Variants in MGAT2 observed in about 807,000 individuals in gnomAD.
MGAT2 encodes the protein alpha-1,6-mannosyl-glycoprotein 2-beta-N-acetylglucosaminyltransferase.
In MGAT2, 17 loss-of-function variants were observed where a neutral mutation model predicts 33.8. The observed-to-expected ratio is 0.50, with a 90% CI of 0.34 to 0.76. MGAT2 has a LOEUF of 0.76. Ranked by LOEUF, MGAT2 falls within the 30% of genes least tolerant of loss-of-function variation. MGAT2 has a pLI of 0.01. For missense variants in MGAT2, 529 were observed against 553.9 expected, an observed-to-expected ratio of 0.96 and a Z score of 0.45; for synonymous variants, 248 against 226.7, an observed-to-expected ratio of 1.09 and a Z score of -0.84.
rs1882821013 is a variant in MGAT2 at position 49,620,854 on chromosome 14, C to T, written c.-415C>T. 1 of 653,326 alleles carries T rather than the reference C, an allele frequency of 1.5e-6. No individual in the cohort carries two copies. Among genetic ancestry groups the T allele is most frequent in the African/African-American group, 1.8e-5 (1 of 55,140 alleles). The allele number at this position is 653,326 out of a possible 1,614,324, so 40.5% of individuals were successfully genotyped here. On this transcript the variant is annotated 5_prime_UTR_variant, in exon 1 of 1. Transcript: ENST00000305386. ...CGGAGTGAGGCGAGGCCGCGTCGCT[C>T]AGTTCTGGCCGTCTAGGGCCCCTGT...
chr14:49,622,666 GACAT>G lies in MGAT2; in HGVS notation c.*58_*61del. ...CTATTTTTGATATTTGTCCAAACAG[GACAT>G]ACAATTGAATAAAAGAGTTTAGGAA... is the stretch of plus-strand genomic sequence containing the variant. On this transcript the variant is annotated 3_prime_UTR_variant, in exon 1 of 1. Transcript: ENST00000305386. The G allele has an allele frequency of 1.9e-6, 3 of 1,544,674 alleles. No homozygotes were observed. The highest frequency in any genetic ancestry group is 2.6e-6 in the Non-Finnish European group (3 of 1,149,068).
At position 49,622,239 on chromosome 14, in the gene MGAT2, C is replaced by T; in HGVS notation, c.971C>T (p.Thr324Ile). The change falls in exon 1 of 1, where the codon ACC (threonine) becomes ATC (isoleucine). Residue 324 changes from threonine to isoleucine, a missense_variant. Physicochemically the swap from Thr to Ile is moderately conservative, Grantham distance 89. Coordinates refer to ENST00000305386, the MANE Select transcript of MGAT2 (RefSeq NM_002408.4). Reference protein sequence around the residue: ...STEHNMGLALTRNAYQKLIEC... With the variant: ...STEHNMGLALIRNAYQKLIEC... ...GAGCACAATATGGGTCTAGCCTTGA[C>T]CCGGAATGCCTATCAGAAGCTGATC... 1 of 1,614,164 alleles carries T rather than the reference C, an allele frequency of 6.2e-7. No individual in the cohort carries two copies. The highest frequency in any genetic ancestry group is 8.5e-7 in the Non-Finnish European group (1 of 1,180,044).
In MGAT2 at chr14:49,621,063, T is replaced by G; in HGVS notation, c.-206T>G. Reference sequence around the variant, plus strand: ...TCGAGCTGTAGCTGCCAGGCGAGGATGTGTGGAGCGCAGGCGGCGCGGGGT... The same window carrying G: ...TCGAGCTGTAGCTGCCAGGCGAGGAGGTGTGGAGCGCAGGCGGCGCGGGGT... On this transcript the variant is annotated 5_prime_UTR_variant, in exon 1 of 1. An upstream start codon of the reference 5' UTR is lost. Coordinates refer to ENST00000305386, the MANE Select transcript of MGAT2 (RefSeq NM_002408.4). This position sits in a 1 kb window ranked among gnomAD's most constrained non-coding sequence, Gnocchi z 4.6. The G allele has an allele frequency of 6.7e-6, 5 of 749,106 alleles. No individual in the cohort carries two copies. Among genetic ancestry groups the G allele is most frequent in the Non-Finnish European group, 9.3e-6 (4 of 428,820 alleles). 46.4% of individuals were successfully genotyped at this position (749,106 alleles called of 1,614,324 possible).
In MGAT2 at chr14:49,622,050, A is replaced by C; in HGVS notation, c.782A>C (p.Asp261Ala). 1 of 1,614,200 alleles carries C rather than the reference A, an allele frequency of 6.2e-7. No homozygotes were observed. The highest frequency in any genetic ancestry group is 8.5e-7 in the Non-Finnish European group (1 of 1,180,042). Residue 261 changes from aspartate (D) to alanine (A), a missense_variant, in exon 1 of 1, where the codon GAT becomes GCT. Transcript: ENST00000305386. ...GGCCTTATACTTTTCCTAGAAGAGGATCACTACTTAGCCCCAGACTTTTAC... is the reference window on the plus strand; with the variant it reads ...GGCCTTATACTTTTCCTAGAAGAGGCTCACTACTTAGCCCCAGACTTTTAC... ...YAGLILFLEE[D>A]HYLAPDFYHV...
rs200691404 is a variant in MGAT2, at chr14:49,621,425, C to G, written c.157C>G (p.Arg53Gly). 24 of 1,608,058 alleles carry G rather than the reference C, an allele frequency of 1.5e-5. No individual in the cohort carries two copies. The highest frequency in any genetic ancestry group is 3.3e-4 in the Middle Eastern group (2 of 6,046). ...DAEPARGAGG[R>G]GGDHPSVAVG... Reference sequence around the variant, plus strand: ...CGAACCCGCGCGGGGTGCCGGCGGCCGCGGTGGGGACCACCCCTCTGTGGC... The same window carrying G: ...CGAACCCGCGCGGGGTGCCGGCGGCGGCGGTGGGGACCACCCCTCTGTGGC... Residue 53 changes from arginine (R) to glycine (G), a missense_variant, in exon 1 of 1, where the codon CGC (arginine) becomes GGC (glycine). This residue lies in a region of MGAT2 where 501 missense variants were observed against 501.1 expected (regional missense o/e 1.00). Transcript: ENST00000305386. The surrounding 1 kb of genome is among the most constrained non-coding windows in gnomAD (Gnocchi z 4.6).
chr14:49,621,339 T>G lies in MGAT2; in HGVS notation c.71T>G (p.Leu24Arg), dbSNP rs746475824. 6.2e-7 allele frequency: 1 copy of G among 1,612,510 alleles called. No individual in the cohort carries two copies. Among genetic ancestry groups the G allele is most frequent in the East Asian group, 2.2e-5 (1 of 44,856 alleles). The part of the protein sequence containing the change: ...TLVVAACGFV[L>R]WSSNGRQRKN... ...GTGGTGGCCGCCTGCGGCTTCGTCC[T>G]CTGGAGCAGCAATGGGCGACAAAGG... Residue 24 changes from leucine to arginine, a missense_variant, in exon 1 of 1, where the codon CTC becomes CGC. Leu to Arg is a moderately radical substitution (Grantham distance 102). Around this residue, in one of 2 missense-constraint regions of MGAT2, gnomAD observed 501 missense variants for 501.1 expected, o/e 1.00. Coordinates refer to ENST00000305386, the MANE Select transcript of MGAT2 (RefSeq NM_002408.4). This position sits in a 1 kb window ranked among gnomAD's most constrained non-coding sequence, Gnocchi z 4.6.
At position 49,623,381 on chromosome 14, in the gene MGAT2, G is replaced by T. The variant is rs537612516; in HGVS notation, c.*769G>T. ...TTTACTCTTTATACCAAAATTCAGT[G>T]AAGGCATTCTACAAGTTTTGAGTTA... On this transcript the variant is annotated 3_prime_UTR_variant, in exon 1 of 1. Transcript: ENST00000305386. 3.0e-5 allele frequency: 5 copies of T among 166,864 alleles called. No homozygotes were observed. Among genetic ancestry groups the T allele is most frequent in the Admixed American group, 2.0e-4 (3 of 15,274 alleles). The allele number at this position is 166,864 out of a possible 1,614,324, so 10.3% of individuals were successfully genotyped here. A position where few individuals can be genotyped will look rare whatever the true frequency, so the allele number is the denominator to read the frequency against.
At position 49,621,414 on chromosome 14, in the gene MGAT2, G is replaced by A. The variant is rs201411811; in HGVS notation, c.146G>A (p.Gly49Asp). Residue 49 changes from glycine to aspartate, a missense_variant, in exon 1 of 1, where the codon GGT becomes GAT. This residue lies in a region of MGAT2 where 501 missense variants were observed against 501.1 expected (regional missense o/e 1.00). Coordinates refer to ENST00000305386, the MANE Select transcript of MGAT2 (RefSeq NM_002408.4). This position sits in a 1 kb window ranked among gnomAD's most constrained non-coding sequence, Gnocchi z 4.6. ...PPLLDAEPAR[G>D]AGGRGGDHPS... Reference sequence around the variant, plus strand: ...TTGCTGGACGCCGAACCCGCGCGGGGTGCCGGCGGCCGCGGTGGGGACCAC... The same window carrying A: ...TTGCTGGACGCCGAACCCGCGCGGGATGCCGGCGGCCGCGGTGGGGACCAC... 63 of 1,608,192 alleles carry A rather than the reference G, an allele frequency of 3.9e-5. No homozygotes were observed. In the Admixed American group the frequency reaches 6.9e-4, roughly 18 times the overall value.
chr14:49,622,545 G>A lies in MGAT2; in HGVS notation c.1277G>A (p.Arg426Lys). 6.3e-7 allele frequency: 1 copy of A among 1,585,418 alleles called. No homozygotes were observed. Among genetic ancestry groups the A allele is most frequent in the Non-Finnish European group, 8.6e-7 (1 of 1,168,960 alleles). ...KFTVVAISPP[R>K]KNGGWGDIRD... The stretch of plus-strand genomic sequence containing the variant: ...ACTGTGGTAGCCATTTCCCCACCTA[G>A]AAAAAATGGAGGGTGGGGAGATATT... The change falls in exon 1 of 1, where the codon AGA becomes AAA. Residue 426 changes from arginine (R) to lysine (K), a missense_variant. Around this residue, in one of 2 missense-constraint regions of MGAT2, gnomAD observed 28 missense variants for 52.8 expected, o/e 0.53. Coordinates refer to ENST00000305386, the MANE Select transcript of MGAT2 (RefSeq NM_002408.4).
Position 49,621,904 on chromosome 14 carries a change from T to C in MGAT2, c.636T>C (p.Asn212=), listed in dbSNP as rs781766964. ...CCGCTTTGAAATTGGGGTGCATCAA[T>C]GCTGAGTATCCCGACTCCTTCGGCC... The part of the protein sequence containing the change: ...KNAALKLGCI[N]AEYPDSFGHY... Residue 212 remains asparagine, a synonymous_variant, in exon 1 of 1, where the codon AAT becomes AAC. Coordinates refer to ENST00000305386, the MANE Select transcript of MGAT2 (RefSeq NM_002408.4). The surrounding 1 kb of genome is among the most constrained non-coding windows in gnomAD (Gnocchi z 4.6). 5.9e-5 allele frequency: 95 copies of C among 1,614,096 alleles called. No individual in the cohort carries two copies. The highest frequency in any genetic ancestry group is 8.3e-5 in the Admixed American group (5 of 60,006).
At position 49,622,213 on chromosome 14, in the gene MGAT2, A is replaced by G; in HGVS notation, c.945A>G (p.Thr315=). 1 of 1,614,218 alleles carries G rather than the reference A, an allele frequency of 6.2e-7. No homozygotes were observed. Among genetic ancestry groups the G allele is most frequent in the Non-Finnish European group, 8.5e-7 (1 of 1,180,026 alleles). The change falls in exon 1 of 1, where the codon ACA becomes ACG. Residue 315 remains threonine, a synonymous_variant. Coordinates refer to ENST00000305386, the MANE Select transcript of MGAT2 (RefSeq NM_002408.4). ...TAGATGTGAAAACTTGGAAATCCACAGAGCACAATATGGGTCTAGCCTTGA... is the reference window on the plus strand; with the variant it reads ...TAGATGTGAAAACTTGGAAATCCACGGAGCACAATATGGGTCTAGCCTTGA... ...DKVDVKTWKS[T]EHNMGLALTR...
In MGAT2 at chr14:49,621,927, G is replaced by A; in HGVS notation, c.659G>A (p.Gly220Asp). 1 of 1,614,154 alleles carries A rather than the reference G, an allele frequency of 6.2e-7. No individual in the cohort carries two copies. The highest frequency in any genetic ancestry group is 1.3e-5 in the African/African-American group (1 of 75,026). Residue 220 changes from glycine to aspartate, a missense_variant, in exon 1 of 1, where the codon GGC becomes GAC. This residue lies in a region of MGAT2 where 501 missense variants were observed against 501.1 expected (regional missense o/e 1.00). Transcript: ENST00000305386. This position sits in a 1 kb window ranked among gnomAD's most constrained non-coding sequence, Gnocchi z 4.6. Reference protein sequence around the residue: ...CINAEYPDSFGHYREAKFSQT... With the variant: ...CINAEYPDSFDHYREAKFSQT... ...AATGCTGAGTATCCCGACTCCTTCG[G>A]CCATTATAGAGAGGCCAAATTCTCC...
At position 49,621,580 on chromosome 14, in the gene MGAT2, G is replaced by A. The variant is rs1224294244; in HGVS notation, c.312G>A (p.Leu104=). The change falls in exon 1 of 1, where the codon CTG becomes CTA. Residue 104 remains leucine (L), a synonymous_variant. Coordinates refer to ENST00000305386, the MANE Select transcript of MGAT2 (RefSeq NM_002408.4). The surrounding 1 kb of genome is among the most constrained non-coding windows in gnomAD (Gnocchi z 4.6). ...ACCAGCTGAACTTTGATCAGACCCT[G>A]AGGAATGTAGATAAGGCTGGCACCT... ...LVYQLNFDQT[L]RNVDKAGTWA... 2.5e-6 allele frequency: 4 copies of A among 1,614,026 alleles called. No individual in the cohort carries two copies. Among genetic ancestry groups the A allele is most frequent in the Non-Finnish European group, 3.4e-6 (4 of 1,179,992 alleles).
At position 49,621,103 on chromosome 14, in the gene MGAT2, G is replaced by C. The variant is rs527767992; in HGVS notation, c.-166G>C. On this transcript the variant is annotated 5_prime_UTR_variant, in exon 1 of 1. Transcript: ENST00000305386. The surrounding 1 kb of genome is among the most constrained non-coding windows in gnomAD (Gnocchi z 4.6). ...CGGCGCGGGGTAAATGAGAGGTCTC[G>C]GGCCCCAGGACCCCCGGGGCCCGGG... The C allele has an allele frequency of 1.0e-6, 1 of 1,004,384 alleles. No homozygotes were observed. The highest frequency in any genetic ancestry group is 1.5e-6 in the Non-Finnish European group (1 of 665,612). The allele number at this position is 1,004,384 out of a possible 1,614,324, so 62.2% of individuals were successfully genotyped here.
Position 49,621,785 on chromosome 14 carries a change from C to A in MGAT2, c.517C>A (p.Leu173Met), listed in dbSNP as rs142040736. 3.8e-5 allele frequency: 62 copies of A among 1,614,164 alleles called. No individual in the cohort carries two copies. The African/African-American group carries it at 6.4e-4, about 17-fold the overall frequency. The stretch of plus-strand genomic sequence containing the variant: ...CGCCGGGGTGAATTTCTGTCCGGTT[C>A]TGCAGGTGTTCTTTCCTTTCAGCAT... ...LIAGVNFCPV[L>M]QVFFPFSIQL... The change falls in exon 1 of 1, where the codon CTG (leucine) becomes ATG (methionine). Residue 173 changes from leucine to methionine, a missense_variant. Coordinates refer to ENST00000305386, the MANE Select transcript of MGAT2 (RefSeq NM_002408.4). The surrounding 1 kb of genome is among the most constrained non-coding windows in gnomAD (Gnocchi z 4.6).
At position 49,622,072 on chromosome 14, in the gene MGAT2, T is replaced by C; in HGVS notation, c.804T>C (p.Phe268=). 6.2e-7 allele frequency: 1 copy of C among 1,614,224 alleles called. No homozygotes were observed. The highest frequency in any genetic ancestry group is 8.5e-7 in the Non-Finnish European group (1 of 1,180,040). ...LEEDHYLAPD[F]YHVFKKMWKL... The stretch of plus-strand genomic sequence containing the variant: ...AGGATCACTACTTAGCCCCAGACTT[T>C]TACCATGTCTTCAAAAAGATGTGGA... The change falls in exon 1 of 1, where the codon TTT becomes TTC. Residue 268 remains phenylalanine (F), a synonymous_variant. Transcript: ENST00000305386.
In MGAT2 at chr14:49,622,212, CAG is replaced by C. The variant is rs775899533; in HGVS notation, c.947_948del (p.Glu316AlafsTer26). On this transcript the variant is annotated frameshift_variant, in exon 1 of 1. Coordinates refer to ENST00000305386, the MANE Select transcript of MGAT2 (RefSeq NM_002408.4). LOFTEE classifies it high-confidence loss of function. ...GTAGATGTGAAAACTTGGAAATCCACAGAGCACAATATGGGTCTAGCCTTGAC... is the reference window on the plus strand; with the variant it reads ...GTAGATGTGAAAACTTGGAAATCCACAGCACAATATGGGTCTAGCCTTGAC... 3 of 1,614,200 alleles carry C rather than the reference CAG, an allele frequency of 1.9e-6. No homozygotes were observed. Among genetic ancestry groups the C allele is most frequent in the Non-Finnish European group, 2.5e-6 (3 of 1,180,028 alleles).
At position 49,621,417 on chromosome 14, in the gene MGAT2, C is replaced by G. The variant is rs1394195929; in HGVS notation, c.149C>G (p.Ala50Gly). 1 of 1,607,712 alleles carries G rather than the reference C, an allele frequency of 6.2e-7. No individual in the cohort carries two copies. The change falls in exon 1 of 1, where the codon GCC (alanine) becomes GGC (glycine). Residue 50 changes from alanine to glycine, a missense_variant. Transcript: ENST00000305386. This position sits in a 1 kb window ranked among gnomAD's most constrained non-coding sequence, Gnocchi z 4.6. Reference sequence around the variant, plus strand: ...CTGGACGCCGAACCCGCGCGGGGTGCCGGCGGCCGCGGTGGGGACCACCCC... The same window carrying G: ...CTGGACGCCGAACCCGCGCGGGGTGGCGGCGGCCGCGGTGGGGACCACCCC... ...PLLDAEPARGAGGRGGDHPSV... is the reference protein window; with the variant it reads ...PLLDAEPARGGGGRGGDHPSV...
Position 49,621,311 on chromosome 14 carries a change from C to T in MGAT2, c.43C>T (p.Leu15Phe), listed in dbSNP as rs754400133. ...CAAACGGAAGGTGCTAATCCTGACG[C>T]TCGTGGTGGCCGCCTGCGGCTTCGT... ...IYKRKVLILT[L>F]VVAACGFVLW... The change falls in exon 1 of 1, where the codon CTC becomes TTC. Residue 15 changes from leucine to phenylalanine, a missense_variant. Physicochemically the swap from Leu to Phe is conservative, Grantham distance 22 (BLOSUM62 0). This residue lies in a region of MGAT2 where 501 missense variants were observed against 501.1 expected (regional missense o/e 1.00). Transcript: ENST00000305386. The surrounding 1 kb of genome is among the most constrained non-coding windows in gnomAD (Gnocchi z 4.6). The T allele has an allele frequency of 3.7e-6, 6 of 1,612,622 alleles. No individual in the cohort carries two copies. The African/African-American group carries it at 5.3e-5, about 14-fold the overall frequency.
Sources: gnomAD v4.1 joint callset for allele counts on GRCh38, gnomAD v4.1.1 for gene constraint, gnomAD v4.1.1 regional missense constraint, Gnocchi (gnomAD v3.1) non-coding constraint, MANE v1.5 for transcripts, NCBI Gene and HGNC (gene_info 2026-07-23, HGNC 2026-07-21) for gene names.